SIK3: variants seen among roughly 807,000 people sequenced by gnomAD.
The protein encoded by SIK3 is serine/threonine-protein kinase SIK3.
A neutral mutation model predicts 144.2 loss-of-function variants in SIK3; 28 were observed. The observed-to-expected ratio is 0.19, with a 90% CI of 0.14 to 0.27. SIK3 has a LOEUF of 0.27. Among genes scored for constraint, SIK3 ranks in the 10% least tolerant of loss-of-function variants. The pLI is 1.00. For missense variants in SIK3, 1,319 were observed against 1,776.0 expected (o/e 0.74, Z 4.62); for synonymous variants, 686 against 676.3 (o/e 1.01, Z -0.22).
intron 3 of SIK3, among the ~76,000 whole-genome samples, chr11:116,944,165 T>G (rs570200264): frequency 6.6e-6 from 1 of 152,266 alleles, no homozygotes; most frequent in East Asian, 1.9e-4. Context: ...GAAAAATATT[T>G]TAGACTCTGC....
intron 1 of SIK3, among the ~76,000 whole-genome samples, chr11:117,073,628 T>C (rs1213554827): frequency 6.6e-6 from 1 of 152,198 alleles, no homozygotes; most frequent in Non-Finnish European, 1.5e-5. Context: ...GCACTTAGCA[T>C]ACAGCAATTA....
chr11:116,919,266 T>A (rs971388638), intron 4 of SIK3, among the ~76,000 whole-genome samples: 1 of 152,122 alleles, frequency 6.6e-6, no homozygotes, highest in African/African-American at 2.4e-5. Flanking sequence ...GGGTGAAAGG[T>A]CAATTGAGTT....
In SIK3 at chr11:117,091,200, CTTTTTTTT is replaced by C. The variant is rs386375011; in HGVS notation, c.273+6935_273+6942del. On this transcript the variant is annotated intron_variant, in intron 1 of 24. Transcript: ENST00000445177. Reference sequence around the variant, plus strand: ...CGTAAAATCCTGAGGTTTTTTTTTTCTTTTTTTTTTTTTTTTTTTTTGAGACGGAGTTT... The same window carrying C: ...CGTAAAATCCTGAGGTTTTTTTTTTCTTTTTTTTTTTTTGAGACGGAGTTT... Among the ~76,000 whole-genome samples the C allele has an allele frequency of 6.5e-5, 6 of 93,008 alleles. No individual in the cohort carries two copies. The Admixed American group carries it at 7.5e-4, about 12-fold the overall frequency. The allele number at this position is 93,008 out of a possible 152,430, so 61.0% of individuals were successfully genotyped here. A position where few individuals can be genotyped will look rare whatever the true frequency, so the allele number is the denominator to read the frequency against.
intron 1 of SIK3, among the ~76,000 whole-genome samples, chr11:117,025,252 C>T (rs913340161): frequency 6.6e-6 from 1 of 152,216 alleles, no homozygotes; most frequent in African/African-American, 2.4e-5. Flanking sequence ...ATCACTGATC[C>T]GGTCCAACCC....
intron 4 of SIK3, among the ~76,000 whole-genome samples, chr11:116,912,258 T>G (rs11216185): frequency 0.074 from 11,289 of 152,228 alleles, 503 homozygotes; most frequent in Middle Eastern, 0.11. Context: ...AATTCTTTGT[T>G]GGAGGTGAGA....
At chr11:116,925,089 C>A (rs745489197) in intron 4 of SIK3, among the ~76,000 whole-genome samples, 1 of 151,958 alleles carries the variant, frequency 6.6e-6, no homozygotes, top group Non-Finnish European at 1.5e-5. Flanking sequence ...GAGACCAGCA[C>A]GGCCAACATG....
In SIK3 at chr11:116,845,340, AC is replaced by A. The variant is rs758296711; in HGVS notation, c.*302del. ...TGGAAGAAAACATACCAAAAACAAAACAAAACACAAACCCCCAAACAAAACA... is the reference window on the plus strand; with the variant it reads ...TGGAAGAAAACATACCAAAAACAAAAAAAACACAAACCCCCAAACAAAACA... On this transcript the variant is annotated 3_prime_UTR_variant, in exon 25 of 25. Coordinates refer to ENST00000445177, the MANE Select transcript of SIK3 (RefSeq NM_001366686.3). The A allele has an allele frequency of 5.3e-5, 8 of 152,250 alleles. No individual in the cohort carries two copies. The highest frequency in any genetic ancestry group is 8.8e-5 in the Non-Finnish European group (6 of 68,040). 9.4% of individuals were successfully genotyped at this position (152,250 alleles called of 1,614,324 possible).
chr11:116,948,101 A>G (rs1348180596), intron 3 of SIK3, among the ~76,000 whole-genome samples: 1 of 150,352 alleles, frequency 6.7e-6, no homozygotes, highest in East Asian at 2.0e-4. Flanking sequence ...TGCATGGCTA[A>G]TTTTTCTATT....
Position 116,843,444 on chromosome 11 carries a change from G to C in SIK3, c.*2199C>G, listed in dbSNP as rs1462378702. 1 of 151,892 alleles carries C rather than the reference G, an allele frequency of 6.6e-6. No homozygotes were observed. Among genetic ancestry groups the C allele is most frequent in the Non-Finnish European group, 1.5e-5 (1 of 67,994 alleles). 9.4% of individuals were successfully genotyped at this position (151,892 alleles called of 1,614,324 possible). A position where few individuals can be genotyped will look rare whatever the true frequency, so the allele number is the denominator to read the frequency against. ...GAGATTTTTTTTTTAATCCTTTTTA[G>C]TTCAACATAAAATGAGAAAGAAAAA... On this transcript the variant is annotated 3_prime_UTR_variant, in exon 25 of 25. Coordinates refer to ENST00000445177, the MANE Select transcript of SIK3 (RefSeq NM_001366686.3).
At chr11:116,982,722 G>A (rs540381853) in intron 1 of SIK3, among the ~76,000 whole-genome samples, 30 of 151,928 alleles carry the variant, frequency 2.0e-4, no homozygotes, top group African/African-American at 7.2e-4. Flanking sequence ...TTGGGAGGTT[G>A]AGGCGGGCAG....
intron 1 of SIK3, among the ~76,000 whole-genome samples, chr11:117,000,524 C>T (rs1950812465): frequency 2.0e-5 from 3 of 152,202 alleles, no homozygotes; most frequent in African/African-American, 7.2e-5. Context: ...CTGTCTAATG[C>T]TGTCAGATTA....
intron 2 of SIK3, among the ~76,000 whole-genome samples, chr11:116,954,347 G>C (rs997372156): frequency 4.6e-5 from 7 of 152,050 alleles, no homozygotes; most frequent in Non-Finnish European, 8.8e-5. Context: ...TAGGCTTTTT[G>C]ATGTTCCATG....
In SIK3 at chr11:117,084,278, T is replaced by G. The variant is rs975988613; in HGVS notation, c.273+13865A>C. 1.2e-4 allele frequency among the ~76,000 whole-genome samples: 18 copies of G among 152,180 alleles called. No individual in the cohort carries two copies. The East Asian group carries it at 2.9e-3, about 24-fold the overall frequency. ...TTTTTTGGTTTTTTTGTGGTTGGTT[T>G]GTTTGAGATGGAGTCTCGCTCTGTG... is the stretch of plus-strand genomic sequence containing the variant. On this transcript the variant is annotated intron_variant, in intron 1 of 24. Coordinates refer to ENST00000445177, the MANE Select transcript of SIK3 (RefSeq NM_001366686.3).
Position 117,008,979 on chromosome 11 carries a change from A to C in SIK3, c.274-51915T>G, listed in dbSNP as rs902327370. On this transcript the variant is annotated intron_variant, in intron 1 of 24. Coordinates refer to ENST00000445177, the MANE Select transcript of SIK3 (RefSeq NM_001366686.3). Reference sequence around the variant, plus strand: ...GCCAGGTGCGGTGGCTCACACCTCTAATTCCAGCACTTTGGGAGGCCGAGG... The same window carrying C: ...GCCAGGTGCGGTGGCTCACACCTCTCATTCCAGCACTTTGGGAGGCCGAGG... Among the ~76,000 whole-genome samples, 3 of 152,130 alleles carry C rather than the reference A, an allele frequency of 2.0e-5. No individual in the cohort carries two copies. In the South Asian group the frequency reaches 6.2e-4, roughly 32 times the overall value.
intron 6 of SIK3, among the ~76,000 whole-genome samples, chr11:116,880,157 A>G (rs1460462990): frequency 6.6e-6 from 1 of 152,176 alleles, no homozygotes; most frequent in Non-Finnish European, 1.5e-5. Flanking sequence ...CAATAACAAC[A>G]ACACCACCAC....
At chr11:116,993,066 T>G (rs570528588) in intron 1 of SIK3, among the ~76,000 whole-genome samples, 107 of 151,992 alleles carry the variant, frequency 7.0e-4, no homozygotes, top group African/African-American at 2.5e-3. Context: ...TTATTTTTAT[T>G]TTAATAAACA....
intron 1 of SIK3, among the ~76,000 whole-genome samples, chr11:117,037,258 C>T (rs906485549): frequency 1.3e-5 from 2 of 152,156 alleles, no homozygotes; most frequent in Non-Finnish European, 2.9e-5. Context: ...AGGAAATCTT[C>T]TAAAGGATCC....
At chr11:116,991,487 T>G (rs1404509050) in intron 1 of SIK3, among the ~76,000 whole-genome samples, 2 of 152,180 alleles carry the variant, frequency 1.3e-5, no homozygotes, top group Non-Finnish European at 2.9e-5. Flanking sequence ...GAATGCTTTC[T>G]AAAAATTGAG....
At chr11:116,973,921 G>T (rs1339253231) in intron 1 of SIK3, among the ~76,000 whole-genome samples, 1 of 152,116 alleles carries the variant, frequency 6.6e-6, no homozygotes, top group African/African-American at 2.4e-5. Flanking sequence ...AAGGAGACAT[G>T]GTGACTAAAT....
Sources: gnomAD v4.1 joint callset for allele counts (sites outside exome capture counted in the v4.1 genomes callset) on GRCh38, gnomAD v4.1.1 for gene constraint, MANE v1.5 for transcripts, NCBI Gene and HGNC (gene_info 2026-07-23, HGNC 2026-07-21) for gene names.